The following ZNF799 variants were observed in gnomAD, a reference collection of about 807,000 sequenced individuals.
ZNF799 encodes zinc finger protein 799.
In ZNF799, 28 loss-of-function variants were observed where a neutral mutation model predicts 41.0. The ratio of observed to expected loss-of-function variants is 0.68; its 90% CI spans 0.51 to 0.94. The LOEUF is 0.94. Among genes scored for constraint, ZNF799 ranks in the 40% least tolerant of loss-of-function variants. The pLI is 0.00. For synonymous variants in ZNF799, 213 were observed against 252.9 expected (o/e 0.84, Z 1.50); for missense variants, 716 against 764.3 (o/e 0.94, Z 0.74).
At chr19:12,403,357 T>C (rs991617537), upstream of ZNF799, among the ~76,000 whole-genome samples, 1 of 152,064 alleles carries the variant, frequency 6.6e-6, no homozygotes, top group Non-Finnish European at 1.5e-5. Flanking sequence ...TCAGTTTTGT[T>C]TGTCTTTTCA....
chr19:12,401,134 G>A lies in ZNF799; in HGVS notation c.-64C>T. ...TCCCGCTGCCAATGCGGGTTCCCGC[G>A]GGACACAGGCTGCCACGGAACTTCC... On this transcript the variant is annotated 5_prime_UTR_variant, in exon 1 of 4. Coordinates refer to ENST00000430385, the MANE Select transcript of ZNF799 (RefSeq NM_001080821.3). 2 of 1,612,454 alleles carry A rather than the reference G, an allele frequency of 1.2e-6. No individual in the cohort carries two copies. The highest frequency in any genetic ancestry group is 1.7e-6 in the Non-Finnish European group (2 of 1,179,500).
At chr19:12,411,638 T>C in the ZNF799 span, among the ~76,000 whole-genome samples, 4 of 151,946 alleles carry the variant, frequency 2.6e-5, no homozygotes, top group African/African-American at 9.7e-5. Flanking sequence ...AGGCAGACTC[T>C]CACTCACTCT....
In ZNF799 at chr19:12,401,109, TC is replaced by T. The variant is rs1310610506; in HGVS notation, c.-40del. 4 of 1,613,374 alleles carry T rather than the reference TC, an allele frequency of 2.5e-6. No individual in the cohort carries two copies. The highest frequency in any genetic ancestry group is 3.4e-6 in the Non-Finnish European group (4 of 1,179,756). ...CGGTGTCCCAGGTCCTCCGGACGGC[TC>T]CCGCTGCCAATGCGGGTTCCCGCGG... On this transcript the variant is annotated 5_prime_UTR_variant, in exon 1 of 4. Transcript: ENST00000430385.
At chr19:12,410,897 G>A in the ZNF799 span, among the ~76,000 whole-genome samples, 1 of 152,152 alleles carries the variant, frequency 6.6e-6, no homozygotes, top group Non-Finnish European at 1.5e-5. Flanking sequence ...ATACGAACGG[G>A]CATAATCTAT....
upstream of ZNF799, chr19:12,401,378 G>A (rs980192061): frequency 1.4e-6 from 1 of 716,248 alleles, no homozygotes; most frequent in African/African-American, 1.8e-5. Flanking sequence ...AGTGGAGCCA[G>A]ATGAGCAAGT....
At chr19:12,407,630 C>T in the ZNF799 span, among the ~76,000 whole-genome samples, 318 of 152,258 alleles carry the variant, frequency 2.1e-3, 1 homozygote, top group African/African-American at 7.6e-3. Context: ...TTTCTAGTTC[C>T]TATCTGATGT....
intron 1 of ZNF799, among the ~76,000 whole-genome samples, chr19:12,397,247 A>T (rs8101895): frequency 0.67 from 98,266 of 146,828 alleles, 32,803 homozygotes; most frequent in Non-Finnish European, 0.77. Context: ...TGCTAGGGAA[A>T]TCAATAATAA....
chr19:12,392,412 T>C lies in ZNF799; in HGVS notation c.191+191A>G, dbSNP rs370079615. Among the ~76,000 whole-genome samples, 83 of 152,346 alleles carry C rather than the reference T, an allele frequency of 5.4e-4. 2 individuals are homozygous for C. The highest frequency in any genetic ancestry group is 1.9e-3 in the African/African-American group (80 of 41,582). Reference sequence around the variant, plus strand: ...CACATTCATATGTGGATTCATAATATTGTTGTCATGGGAACTAATTTATGA... The same window carrying C: ...CACATTCATATGTGGATTCATAATACTGTTGTCATGGGAACTAATTTATGA... On this transcript the variant is annotated intron_variant, in intron 3 of 3. Coordinates refer to ENST00000430385, the MANE Select transcript of ZNF799 (RefSeq NM_001080821.3).
chr19:12,403,194 T>A (rs1301960680), upstream of ZNF799, among the ~76,000 whole-genome samples: 4 of 152,200 alleles, frequency 2.6e-5, no homozygotes, highest in Admixed American at 2.6e-4. Context: ...ATCAATTTCT[T>A]CTAGGTTTTC....
chr19:12,412,218 A>C, the ZNF799 span, among the ~76,000 whole-genome samples: 1 of 152,138 alleles, frequency 6.6e-6, no homozygotes, highest in Non-Finnish European at 1.5e-5. Flanking sequence ...GAACTCCCCA[A>C]GAGAAGCCTG....
Position 12,391,658 on chromosome 19 carries a change from T to C in ZNF799, c.740A>G (p.His247Arg), listed in dbSNP as rs544617815. The change falls in exon 4 of 4, where the codon CAT becomes CGT. Residue 247 changes from histidine (H) to arginine (R), a missense_variant. His to Arg is a conservative substitution (Grantham distance 29, BLOSUM62 0). Around this residue, in one of 2 missense-constraint regions of ZNF799, gnomAD observed 698 missense variants for 713.6 expected, o/e 0.98. Coordinates refer to ENST00000430385, the MANE Select transcript of ZNF799 (RefSeq NM_001080821.3). ...YSSYLRHERT[H>R]TGEKLYECKQ... ...ACATTCATACAGTTTCTCCCCAGTA[T>C]GTGTTCTTTCATGTCTTAGATAGGA... 6.2e-6 allele frequency: 10 copies of C among 1,611,172 alleles called. No homozygotes were observed. In the South Asian group the frequency reaches 9.9e-5, roughly 16 times the overall value.
At chr19:12,402,189 C>T (rs1246099345), upstream of ZNF799, among the ~76,000 whole-genome samples, 40 of 152,258 alleles carry the variant, frequency 2.6e-4, no homozygotes, top group Admixed American at 2.6e-3. Flanking sequence ...AGCAATCCTC[C>T]CACCTCAGCC....
intron 1 of ZNF799, chr19:12,395,105 T>C (rs1029868446): frequency 1.3e-5 from 2 of 153,222 alleles, no homozygotes; most frequent in Non-Finnish European, 2.9e-5. Context: ...TTCCAATCTG[T>C]ATAAGGACTA....
upstream of ZNF799, among the ~76,000 whole-genome samples, chr19:12,402,656 A>G (rs1483187743): frequency 1.3e-5 from 2 of 151,838 alleles, no homozygotes; most frequent in Admixed American, 6.6e-5. Context: ...GATGTTAAAT[A>G]TTATCAAAAG....
chr19:12,401,350 A>C, upstream of ZNF799: 2 of 963,130 alleles, frequency 2.1e-6, no homozygotes, highest in Non-Finnish European at 3.0e-6. Flanking sequence ...TGACAGAAGA[A>C]GCGATCTTGC....
upstream of ZNF799, among the ~76,000 whole-genome samples, chr19:12,402,298 CA>C (rs1359418086): frequency 5.3e-5 from 8 of 151,998 alleles, no homozygotes; most frequent in Non-Finnish European, 1.5e-5. Context: ...ATTTATTTCT[CA>C]GTTCTAATAC....
At chr19:12,392,685 A>C in intron 2 of ZNF799, 22 bp from the exon 3 acceptor site, 1 of 1,572,124 alleles carries the variant, frequency 6.4e-7, no homozygotes, top group Non-Finnish European at 8.7e-7. Context: ...ACACAGAAAA[A>C]TCATTACAAA....
the ZNF799 span, among the ~76,000 whole-genome samples, chr19:12,411,837 T>G: frequency 6.6e-6 from 1 of 152,134 alleles, no homozygotes; most frequent in Non-Finnish European, 1.5e-5. Context: ...GGTATCGAAC[T>G]CCTGGTCTCA....
the ZNF799 span, among the ~76,000 whole-genome samples, chr19:12,412,517 T>C: frequency 6.8e-6 from 1 of 146,864 alleles, no homozygotes. Flanking sequence ...GCGGCTGTCT[T>C]GGTAGAAATA....
Sources: gnomAD v4.1 joint callset for allele counts (sites outside exome capture counted in the v4.1 genomes callset) on GRCh38, gnomAD v4.1.1 for gene constraint, gnomAD v4.1.1 regional missense constraint, MANE v1.5 for transcripts, NCBI Gene and HGNC (gene_info 2026-07-23, HGNC 2026-07-21) for gene names.